The following PDE1A variants were observed in gnomAD, a reference collection of about 807,000 sequenced individuals.
PDE1A encodes the protein phosphodiesterase 1A.
A neutral mutation model predicts 61.7 loss-of-function variants in PDE1A; 35 were observed. The ratio of observed to expected loss-of-function variants is 0.57; its 90% CI spans 0.43 to 0.75. The LOEUF (loss-of-function observed/expected upper bound fraction) is 0.75. Among genes scored for constraint, PDE1A ranks in the 30% least tolerant of loss-of-function variants. The probability of loss-of-function intolerance (pLI) is 0.00; values close to 1 mark genes in which losing one functional copy is unlikely to be tolerated. For missense variants in PDE1A, 597 were observed against 630.6 expected (o/e 0.95, Z 0.57); for synonymous variants, 232 against 213.2 (o/e 1.09, Z -0.77).
At chr2:182,649,957 T>C in the PDE1A span, among the ~76,000 whole-genome samples, 2 of 152,086 alleles carry the variant, frequency 1.3e-5, no homozygotes, top group African/African-American at 4.8e-5. Context: ...CTCATGCTTG[T>C]AGTCTCAGCT....
At chr2:182,439,882 A>G (rs1229185885) in intron 2 of PDE1A, among the ~76,000 whole-genome samples, 1 of 152,106 alleles carries the variant, frequency 6.6e-6, no homozygotes, top group African/African-American at 2.4e-5. Flanking sequence ...ACTTTGAGCA[A>G]GTTGTTGTTT....
intron 1 of PDE1A, among the ~76,000 whole-genome samples, chr2:182,296,135 C>T (rs771790726): frequency 3.3e-5 from 5 of 152,222 alleles, no homozygotes; most frequent in Middle Eastern, 3.4e-3. Context: ...GCACGTGTAA[C>T]GCATTAGAGT....
At chr2:182,522,439 G>C in intron 1 of PDE1A, 1 of 1,607,954 alleles carries the variant, frequency 6.2e-7, no homozygotes, top group Non-Finnish European at 8.5e-7. Flanking sequence ...GCATTCCTCA[G>C]TCCATTACAA....
chr2:182,686,183 T>C, the PDE1A span, among the ~76,000 whole-genome samples: 1 of 152,152 alleles, frequency 6.6e-6, no homozygotes, highest in African/African-American at 2.4e-5. Context: ...CTTCCAAATA[T>C]ATACAACAAT....
chr2:182,528,602 C>A, the PDE1A span, among the ~76,000 whole-genome samples: 21 of 152,196 alleles, frequency 1.4e-4, no homozygotes, highest in African/African-American at 4.6e-4. Flanking sequence ...ATGATAATCA[C>A]CAAGACAATG....
chr2:182,668,840 TTACTC>T, the PDE1A span, among the ~76,000 whole-genome samples: 3 of 152,068 alleles, frequency 2.0e-5, no homozygotes, highest in African/African-American at 4.8e-5. Flanking sequence ...GTCAGCAGCT[TTACTC>T]TCTCTCTCTC....
chr2:182,219,908 C>CA (rs1688578612), intron 7 of PDE1A, among the ~76,000 whole-genome samples: 1 of 151,986 alleles, frequency 6.6e-6, no homozygotes, highest in Non-Finnish European at 1.5e-5. Context: ...TAAATGTACA[C>CA]AATAAAAACT....
chr2:182,217,902 A>C (rs1688347780), intron 7 of PDE1A, among the ~76,000 whole-genome samples: 2 of 152,062 alleles, frequency 1.3e-5, no homozygotes. Context: ...CATTCGACCC[A>C]GCCATCCCAT....
chr2:182,627,869 G>A, the PDE1A span, among the ~76,000 whole-genome samples: 4 of 151,428 alleles, frequency 2.6e-5, no homozygotes, highest in Non-Finnish European at 5.9e-5. Context: ...ACTTGAACCC[G>A]GGAGGTGGAG....
chr2:182,697,492 GGGA>G, the PDE1A span, among the ~76,000 whole-genome samples: 6 of 152,278 alleles, frequency 3.9e-5, no homozygotes, highest in East Asian at 3.9e-4. Flanking sequence ...CCTTCCCCAG[GGGA>G]GGAGAAGTGC....
At chr2:182,301,376 A>T (rs1180747262) in intron 1 of PDE1A, among the ~76,000 whole-genome samples, 1 of 152,194 alleles carries the variant, frequency 6.6e-6, no homozygotes, top group African/African-American at 2.4e-5. Context: ...CAGGTGGAAT[A>T]CATGGCTCTG....
At chr2:182,243,988 C>A (rs1431483360) in intron 2 of PDE1A, among the ~76,000 whole-genome samples, 1 of 152,148 alleles carries the variant, frequency 6.6e-6, no homozygotes, top group Non-Finnish European at 1.5e-5. Flanking sequence ...CTGCCTCAGC[C>A]TCCTGAGTAG....
intron 1 of PDE1A, among the ~76,000 whole-genome samples, chr2:182,337,130 C>T (rs1156712285): frequency 6.6e-6 from 1 of 151,926 alleles, no homozygotes; most frequent in Non-Finnish European, 1.5e-5. Context: ...TTGTATTTTC[C>T]TTATCTGGAG....
chr2:182,168,309 T>C (rs780949907), intron 13 of PDE1A: 120 of 1,536,394 alleles, frequency 7.8e-5, no homozygotes, highest in Non-Finnish European at 1.0e-4. Context: ...AAAAAAAGCG[T>C]ACTTATTTTA....
rs1159579689 is a variant in PDE1A, at chr2:182,264,431, G to C, written c.54-17C>G. ...CATCTTAGTCTATTTCAAAAAAGTA[G>C]CCAAAGAGAGAAAGAGCAAGGAATT... On this transcript the variant is annotated splice_polypyrimidine_tract_variant and intron_variant, in intron 1 of 13. Transcript: ENST00000351439. 1 of 1,564,364 alleles carries C rather than the reference G, an allele frequency of 6.4e-7. No individual in the cohort carries two copies. Among genetic ancestry groups the C allele is most frequent in the East Asian group, 2.2e-5 (1 of 44,584 alleles).
intron 1 of PDE1A, among the ~76,000 whole-genome samples, chr2:182,288,095 A>G (rs983201795): frequency 6.6e-6 from 1 of 152,160 alleles, no homozygotes; most frequent in African/African-American, 2.4e-5. Context: ...AACATTTGAT[A>G]AGTGTTTCAG....
the PDE1A span, among the ~76,000 whole-genome samples, chr2:182,532,020 G>A: frequency 6.6e-6 from 1 of 152,072 alleles, no homozygotes; most frequent in Non-Finnish European, 1.5e-5. Context: ...CCCTGCAAAG[G>A]ACATGAACTC....
chr2:182,696,625 G>A, the PDE1A span, among the ~76,000 whole-genome samples: 2 of 152,172 alleles, frequency 1.3e-5, no homozygotes, highest in Non-Finnish European at 2.9e-5. Context: ...GCTTTGGGTA[G>A]TAATGATATG....
At chr2:182,295,057 C>CTTTTTTTTTTTT (rs11420821) in intron 1 of PDE1A, among the ~76,000 whole-genome samples, 607 of 59,370 alleles carry the variant, frequency 0.01, 167 homozygotes, top group Non-Finnish European at 0.014. Context: ...AAAAGGTAAT[C>CTTTTTTTTTTTT]TTTTTTTTTT....
Sources: gnomAD v4.1 joint callset for allele counts (sites outside exome capture counted in the v4.1 genomes callset) on GRCh38, gnomAD v4.1.1 for gene constraint, MANE v1.5 for transcripts, NCBI Gene and HGNC (gene_info 2026-07-23, HGNC 2026-07-21) for gene names.